KANK1: variants seen among roughly 807,000 people sequenced by gnomAD.
KANK1 encodes KN motif and ankyrin repeat domain-containing protein 1.
Under a neutral mutation model 106.2 loss-of-function variants are expected in KANK1, and 109 were observed. The ratio of observed to expected loss-of-function variants is 1.03; its 90% CI spans 0.88 to 1.20. The LOEUF (loss-of-function observed/expected upper bound fraction) is 1.20, where lower values mean the gene tolerates loss of function less well. Among genes scored for constraint, KANK1 ranks in the 50% most tolerant of loss-of-function variants. KANK1 has a pLI of 0.00. For synonymous variants in KANK1, 873 were observed against 652.2 expected, an observed-to-expected ratio of 1.34 and a Z score of -5.16; for missense variants, 2,399 against 1,710.7, an observed-to-expected ratio of 1.40 and a Z score of -7.10.
intron 1 of KANK1, among the ~76,000 whole-genome samples, chr9:605,342 A>G (rs1271116907): frequency 1.3e-5 from 2 of 151,664 alleles, no homozygotes; most frequent in African/African-American, 4.9e-5. Context: ...CCATGAGGAA[A>G]GATAATCACT....
At chr9:744,986 A>T in intron 11 of KANK1, 187 bp from the exon 12 acceptor site, 1 of 1,493,140 alleles carries the variant, frequency 6.7e-7, no homozygotes, top group African/African-American at 1.4e-5. Context: ...ACAGCCGGAC[A>T]TAGCACTGCT....
At chr9:527,399 T>C (rs1267853200) in intron 1 of KANK1, among the ~76,000 whole-genome samples, 2 of 137,506 alleles carry the variant, frequency 1.5e-5, no homozygotes, top group African/African-American at 6.2e-5. Context: ...CCACCCAGTT[T>C]GAAGTGATTC....
chr9:664,204 T>C (rs1194630326), intron 1 of KANK1, among the ~76,000 whole-genome samples: 1 of 152,182 alleles, frequency 6.6e-6, no homozygotes, highest in Admixed American at 6.5e-5. Context: ...CCCATTAATC[T>C]ACTGCTCTTC....
At chr9:609,369 T>A (rs979087834) in intron 1 of KANK1, among the ~76,000 whole-genome samples, 3 of 152,228 alleles carry the variant, frequency 2.0e-5, no homozygotes, top group African/African-American at 7.2e-5. Context: ...GGCTCACGCC[T>A]GTAATCCCAG....
chr9:706,310 G>T lies in KANK1; in HGVS notation c.38-4494G>T, dbSNP rs187399113. Among the ~76,000 whole-genome samples the T allele has an allele frequency of 1.5e-3, 228 of 152,294 alleles. 1 individual carries two copies. Among genetic ancestry groups the T allele is most frequent in the African/African-American group, 5.3e-3 (219 of 41,570 alleles). On this transcript the variant is annotated intron_variant, in intron 2 of 11. Coordinates refer to ENST00000382297, the MANE Select transcript of KANK1 (RefSeq NM_015158.5). ...AGTTCATTTGGGGGTAATACAACGT[G>T]ATACATGCTTTTTGTGATTTCTACA...
intron 1 of KANK1, among the ~76,000 whole-genome samples, chr9:663,295 T>A (rs1843784656): frequency 6.6e-6 from 1 of 152,206 alleles, no homozygotes. Context: ...CACTGATGTT[T>A]TAGTTGAAAC....
At chr9:522,485 C>T (rs1430325850) in intron 1 of KANK1, among the ~76,000 whole-genome samples, 1 of 151,580 alleles carries the variant, frequency 6.6e-6, no homozygotes, top group Admixed American at 6.6e-5. Flanking sequence ...ACTGGGGGTA[C>T]TCAGTACTCT....
chr9:556,449 T>C (rs1440592325), intron 1 of KANK1, among the ~76,000 whole-genome samples: 1 of 152,338 alleles, frequency 6.6e-6, no homozygotes, highest in East Asian at 1.9e-4. Context: ...CTTAGTCTCA[T>C]GGAGTTAGCC....
intron 1 of KANK1, among the ~76,000 whole-genome samples, chr9:671,736 A>C (rs1369299973): frequency 6.6e-6 from 1 of 151,902 alleles, no homozygotes; most frequent in Non-Finnish European, 1.5e-5. Context: ...CAGTTGCTCT[A>C]AAAACATATT....
intron 1 of KANK1, among the ~76,000 whole-genome samples, chr9:650,599 A>G (rs1002035569): frequency 2.6e-5 from 4 of 152,162 alleles, no homozygotes; most frequent in African/African-American, 7.2e-5. Context: ...GTGACTCTGC[A>G]TATCCCTGTT....
At chr9:514,195 CCTCCCTCCCTCT>C (rs1219051616) in intron 1 of KANK1, among the ~76,000 whole-genome samples, 1 of 78,830 alleles carries the variant, frequency 1.3e-5, no homozygotes, top group Non-Finnish European at 2.2e-5. Context: ...TCCCTCCCTT[CCTCCCTCCCTCT>C]CTCCCTCCCT....
At chr9:685,206 G>T (rs940123179) in intron 2 of KANK1, among the ~76,000 whole-genome samples, 1 of 152,198 alleles carries the variant, frequency 6.6e-6, no homozygotes, top group African/African-American at 2.4e-5. Flanking sequence ...ACAGGTTTTT[G>T]AAATGCGGCC....
intron 7 of KANK1, among the ~76,000 whole-genome samples, chr9:737,975 C>T (rs1376125402): frequency 2.0e-5 from 3 of 152,172 alleles, no homozygotes. Context: ...AGAATAACTT[C>T]CCTCGGGTCA....
chr9:704,065 T>C (rs555242377), intron 2 of KANK1, among the ~76,000 whole-genome samples: 39 of 152,204 alleles, frequency 2.6e-4, no homozygotes, highest in Non-Finnish European at 4.8e-4. Flanking sequence ...AATTTAAGTT[T>C]TATTGTAACA....
chr9:736,296 T>G (rs150823210), intron 7 of KANK1, among the ~76,000 whole-genome samples: 2 of 152,306 alleles, frequency 1.3e-5, no homozygotes, highest in East Asian at 3.9e-4. Flanking sequence ...ATATAAATAG[T>G]TGTTATACTG....
At chr9:628,069 C>T (rs982612514) in intron 1 of KANK1, among the ~76,000 whole-genome samples, 14 of 152,154 alleles carry the variant, frequency 9.2e-5, no homozygotes, top group African/African-American at 3.4e-4. Context: ...ACTTAAAATA[C>T]AGTTGCTTAT....
chr9:676,437 A>G (rs1160595714), intron 1 of KANK1, among the ~76,000 whole-genome samples: 1 of 152,210 alleles, frequency 6.6e-6, no homozygotes, highest in Non-Finnish European at 1.5e-5. Flanking sequence ...TCTCAAAAGA[A>G]TTTCCATGAA....
At chr9:556,720 C>CAT (rs2061609290) in intron 1 of KANK1, among the ~76,000 whole-genome samples, 6 of 152,298 alleles carry the variant, frequency 3.9e-5, no homozygotes, top group South Asian at 4.1e-4. Context: ...TGCCCTGCTT[C>CAT]ATGATGTTCC....
intron 3 of KANK1, among the ~76,000 whole-genome samples, chr9:723,175 A>G (rs1829800142): frequency 6.6e-6 from 1 of 152,180 alleles, no homozygotes; most frequent in Admixed American, 6.5e-5. Context: ...GTGGAGGAGT[A>G]GCTGAGAGGT....
Sources: gnomAD v4.1 joint callset for allele counts (sites outside exome capture counted in the v4.1 genomes callset) on GRCh38, gnomAD v4.1.1 for gene constraint, MANE v1.5 for transcripts, NCBI Gene and HGNC (gene_info 2026-07-23, HGNC 2026-07-21) for gene names.